The following MAPK10 variants were observed in gnomAD, a reference collection of about 807,000 sequenced individuals.
MAPK10 encodes the protein mitogen-activated protein kinase 10.
A neutral mutation model predicts 59.3 loss-of-function variants in MAPK10; 25 were observed. The observed-to-expected ratio is 0.42, with a 90% CI of 0.31 to 0.59. The LOEUF (loss-of-function observed/expected upper bound fraction) is 0.59, where lower values mean the gene tolerates loss of function less well. Ranked by LOEUF, MAPK10 falls within the 20% of genes least tolerant of loss-of-function variation. The probability of loss-of-function intolerance (pLI) is 0.15; values close to 1 mark genes in which losing one functional copy is unlikely to be tolerated. For missense variants in MAPK10, 351 were observed against 568.9 expected (o/e 0.62, Z 3.90); for synonymous variants, 190 against 200.5 (o/e 0.95, Z 0.44).
intron 1 of MAPK10, among the ~76,000 whole-genome samples, chr4:86,368,804 A>G (rs1418526823): frequency 6.6e-6 from 1 of 152,110 alleles, no homozygotes; most frequent in African/African-American, 2.4e-5. Flanking sequence ...GTCTGAATGT[A>G]GTTCACAAAT....
intron 1 of MAPK10, among the ~76,000 whole-genome samples, chr4:86,409,959 A>T (rs1744915355): frequency 6.6e-6 from 1 of 152,204 alleles, no homozygotes; most frequent in African/African-American, 2.4e-5. Context: ...GTGGTGAGGG[A>T]AGGCATCCTT....
intron 4 of MAPK10, among the ~76,000 whole-genome samples, chr4:86,139,648 A>T (rs963201382): frequency 6.6e-6 from 1 of 152,228 alleles, no homozygotes. Context: ...CTAAAACATC[A>T]AAAGCAATGG....
upstream of MAPK10, among the ~76,000 whole-genome samples, chr4:86,363,452 C>A (rs750621879): frequency 1.3e-5 from 2 of 152,154 alleles, no homozygotes; most frequent in African/African-American, 2.4e-5. Context: ...TAATACCAAT[C>A]ATTTTCATCC....
intron 2 of MAPK10, among the ~76,000 whole-genome samples, chr4:86,270,268 T>C (rs962282358): frequency 1.3e-5 from 2 of 152,020 alleles, no homozygotes; most frequent in Admixed American, 6.6e-5. Context: ...GTTTGACTTA[T>C]AAGACTCAAC....
chr4:86,275,099 T>C (rs758684660), intron 2 of MAPK10, among the ~76,000 whole-genome samples: 3 of 152,056 alleles, frequency 2.0e-5, no homozygotes, highest in Non-Finnish European at 4.4e-5. Context: ...CCTGTGACAA[T>C]GACTTTGTGC....
chr4:86,332,821 A>G (rs1358641911), intron 2 of MAPK10: 2 of 152,226 alleles, frequency 1.3e-5, no homozygotes, highest in Admixed American at 6.5e-5. Context: ...GTTAAAATTC[A>G]TAATGTATTT....
In MAPK10 at chr4:86,102,015, AG is replaced by A; in HGVS notation, c.442del (p.Leu148Ter). 1.2e-6 allele frequency: 2 copies of A among 1,613,968 alleles called. No homozygotes were observed. Among genetic ancestry groups the A allele is most frequent in the Non-Finnish European group, 1.7e-6 (2 of 1,179,840 alleles). On this transcript the variant is annotated frameshift_variant, in exon 7 of 14. Coordinates refer to ENST00000641462, the MANE Select transcript of MAPK10 (RefSeq NM_138982.4). LOFTEE classifies it high-confidence loss of function. ...EFQDVYLVME[L>X]MDANLCQVIQ... ...CACTTGACATAAGTTGGCATCCATC[AG>A]TTCCATTACTAAGTAACTAGAAGGG...
At chr4:86,305,875 G>A (rs1389280152) in intron 2 of MAPK10, among the ~76,000 whole-genome samples, 1 of 151,332 alleles carries the variant, frequency 6.6e-6, no homozygotes, top group Non-Finnish European at 1.5e-5. Context: ...AGACAAGCAG[G>A]AGTCTATTGT....
intron 1 of MAPK10, among the ~76,000 whole-genome samples, chr4:86,480,272 C>T (rs1753492874): frequency 6.6e-6 from 1 of 152,052 alleles, no homozygotes; most frequent in African/African-American, 2.4e-5. Context: ...AATTCCTTCT[C>T]CTGGCTCATC....
chr4:86,199,693 T>C (rs1472188331), intron 2 of MAPK10, among the ~76,000 whole-genome samples: 1 of 152,006 alleles, frequency 6.6e-6, no homozygotes, highest in Admixed American at 6.6e-5. Context: ...CTATGAAACA[T>C]ATCAAACATT....
chr4:86,168,516 C>T (rs1581745434), intron 3 of MAPK10, among the ~76,000 whole-genome samples: 1 of 152,216 alleles, frequency 6.6e-6, no homozygotes, highest in South Asian at 2.1e-4. Context: ...GGGAGAGGCG[C>T]CCGCCATTGC....
intron 1 of MAPK10, among the ~76,000 whole-genome samples, chr4:86,495,552 TA>T (rs1405219677): frequency 1.3e-5 from 2 of 152,198 alleles, no homozygotes; most frequent in East Asian, 1.9e-4. Context: ...TCCTTAATAA[TA>T]TCAAACATTT....
At chr4:86,547,846 C>G (rs1333655344) in intron 1 of MAPK10, among the ~76,000 whole-genome samples, 1 of 152,198 alleles carries the variant, frequency 6.6e-6, no homozygotes, top group Non-Finnish European at 1.5e-5. Flanking sequence ...TGTGAATGCA[C>G]CAATCGACAC....
intron 1 of MAPK10, among the ~76,000 whole-genome samples, chr4:86,438,152 C>A (rs1179868500): frequency 6.6e-6 from 1 of 152,090 alleles, no homozygotes; most frequent in Non-Finnish European, 1.5e-5. Context: ...TACTAATATT[C>A]TAATTCTTGA....
In MAPK10 at chr4:86,397,877, A is replaced by C. The variant is rs546975097; in HGVS notation, c.-121-43233T>G. On this transcript the variant is annotated intron_variant, in intron 1 of 13. Transcript: ENST00000361569. The stretch of plus-strand genomic sequence containing the variant: ...AATCTGCTATGGCAAAAAAAAAAAA[A>C]AAAAAAAAAAAAACTGGCTTTTTCT... 8.7e-5 allele frequency among the ~76,000 whole-genome samples: 13 copies of C among 150,110 alleles called. 1 individual carries two copies. The highest frequency in any genetic ancestry group is 6.2e-4 in the South Asian group (3 of 4,804).
chr4:86,353,666 C>T (rs1435625203), intron 2 of MAPK10, among the ~76,000 whole-genome samples: 9 of 151,938 alleles, frequency 5.9e-5, no homozygotes, highest in South Asian at 2.1e-4. Flanking sequence ...ATCAGTCTTC[C>T]GCAGTCATAG....
At chr4:86,554,008 C>G (rs992125588) in intron 1 of MAPK10, among the ~76,000 whole-genome samples, 2 of 151,870 alleles carry the variant, frequency 1.3e-5, no homozygotes, top group African/African-American at 2.4e-5. Flanking sequence ...TCCCAAGTAC[C>G]TAGGATTACA....
intron 1 of MAPK10, among the ~76,000 whole-genome samples, chr4:86,491,928 T>A (rs1376936084): frequency 1.3e-5 from 2 of 152,196 alleles, no homozygotes; most frequent in African/African-American, 4.8e-5. Context: ...AGTTTCTAAC[T>A]CAGGTCTCTT....
intron 4 of MAPK10, among the ~76,000 whole-genome samples, chr4:86,114,491 C>A (rs1413540768): frequency 6.6e-6 from 1 of 152,234 alleles, no homozygotes; most frequent in Non-Finnish European, 1.5e-5. Context: ...ACCTGGGTCC[C>A]TCCTGCACTT....
Sources: allele counts gnomAD v4.1 joint callset (sites outside exome capture counted in the v4.1 genomes callset), GRCh38; gene constraint gnomAD v4.1.1; transcripts MANE v1.5; gene names NCBI Gene and HGNC (gene_info 2026-07-23, HGNC 2026-07-21).